The following SGCZ variants were observed in gnomAD, a reference collection of about 807,000 sequenced individuals.
The protein encoded by SGCZ is sarcoglycan zeta.
Under a neutral mutation model 41.3 loss-of-function variants are expected in SGCZ, and 40 were observed. That is an observed-to-expected ratio of 0.97 (90% CI 0.75 to 1.26). The LOEUF (loss-of-function observed/expected upper bound fraction) is 1.26, where lower values mean the gene tolerates loss of function less well. Ranked by LOEUF, SGCZ falls within the 50% of genes most tolerant of loss-of-function variation. The pLI is 0.00. For synonymous variants in SGCZ, 206 were observed against 137.5 expected (o/e 1.50, Z -3.49); for missense variants, 552 against 369.8 (o/e 1.49, Z -4.04).
At chr8:15,176,716 T>C (rs2117076604) in intron 1 of SGCZ, among the ~76,000 whole-genome samples, 1 of 152,300 alleles carries the variant, frequency 6.6e-6, no homozygotes, top group East Asian at 1.9e-4. Context: ...AGAAACTATA[T>C]GTTGGCCGGA....
chr8:14,296,456 G>T (rs749345429), intron 3 of SGCZ, among the ~76,000 whole-genome samples: 1 of 152,094 alleles, frequency 6.6e-6, no homozygotes, highest in Non-Finnish European at 1.5e-5. Context: ...ATATTTGAAT[G>T]AATACTTATC....
chr8:14,947,442 C>T (rs773853774), intron 1 of SGCZ, among the ~76,000 whole-genome samples: 1 of 152,122 alleles, frequency 6.6e-6, no homozygotes, highest in African/African-American at 2.4e-5. Flanking sequence ...TGTGGACAAC[C>T]TCTACAAGAC....
intron 1 of SGCZ, among the ~76,000 whole-genome samples, chr8:15,140,882 C>T (rs1808296366): frequency 6.6e-6 from 1 of 152,188 alleles, no homozygotes; most frequent in Admixed American, 6.5e-5. Flanking sequence ...AAATACATCT[C>T]TGCAGTTTTT....
intron 1 of SGCZ, among the ~76,000 whole-genome samples, chr8:14,916,823 C>G (rs1175806583): frequency 1.3e-5 from 2 of 152,016 alleles, no homozygotes; most frequent in African/African-American, 4.8e-5. Context: ...AAGGATTCAG[C>G]TGGGTACTTT....
intron 2 of SGCZ, among the ~76,000 whole-genome samples, chr8:14,347,930 A>C (rs965195342): frequency 2.6e-5 from 4 of 152,120 alleles, no homozygotes; most frequent in African/African-American, 9.7e-5. Context: ...TAAACTGAGA[A>C]TATAGCATTA....
chr8:14,806,425 A>G (rs1801532129), intron 1 of SGCZ, among the ~76,000 whole-genome samples: 1 of 151,518 alleles, frequency 6.6e-6, no homozygotes, highest in Non-Finnish European at 1.5e-5. Context: ...CAGAAATACA[A>G]ACTACCATCA....
chr8:15,144,543 C>A (rs925190079), intron 1 of SGCZ, among the ~76,000 whole-genome samples: 1 of 152,044 alleles, frequency 6.6e-6, no homozygotes. Context: ...TGGCTCACTG[C>A]AACCACCTCC....
At chr8:14,716,662 A>T (rs1262634611) in intron 1 of SGCZ, among the ~76,000 whole-genome samples, 1 of 152,106 alleles carries the variant, frequency 6.6e-6, no homozygotes, top group Non-Finnish European at 1.5e-5. Flanking sequence ...CTTGCTGCAC[A>T]CATTTTTGCA....
At chr8:14,551,060 G>A (rs1242669556) in intron 2 of SGCZ, among the ~76,000 whole-genome samples, 1 of 150,270 alleles carries the variant, frequency 6.7e-6, no homozygotes, top group Non-Finnish European at 1.5e-5. Flanking sequence ...TTAACTCACA[G>A]CATTAATGAA....
At chr8:14,710,102 C>T (rs567667424) in intron 1 of SGCZ, among the ~76,000 whole-genome samples, 56 of 152,142 alleles carry the variant, frequency 3.7e-4, no homozygotes, top group African/African-American at 1.3e-3. Flanking sequence ...CGCGGTGGCT[C>T]ACGCCTGTAA....
intron 1 of SGCZ, among the ~76,000 whole-genome samples, chr8:14,742,193 A>G (rs938681453): frequency 7.2e-5 from 11 of 152,170 alleles, no homozygotes; most frequent in Non-Finnish European, 1.2e-4. Flanking sequence ...CAAATAAACC[A>G]TCTGCCGTCA....
At chr8:14,733,194 G>A (rs1468513799) in intron 1 of SGCZ, among the ~76,000 whole-genome samples, 1 of 152,006 alleles carries the variant, frequency 6.6e-6, no homozygotes, top group East Asian at 1.9e-4. Flanking sequence ...ACTGCCCCAG[G>A]GCCAGGTACC....
intron 1 of SGCZ, among the ~76,000 whole-genome samples, chr8:15,183,620 G>C (rs1198846351): frequency 6.6e-6 from 1 of 152,152 alleles, no homozygotes; most frequent in Non-Finnish European, 1.5e-5. Flanking sequence ...AAGCCAAAAT[G>C]ATCCTATGAC....
rs559022190 is a variant in SGCZ at position 14,512,154 on chromosome 8, G to T, written c.234+42578C>A. On this transcript the variant is annotated intron_variant, in intron 2 of 7. Coordinates refer to ENST00000382080, the MANE Select transcript of SGCZ (RefSeq NM_139167.4). The stretch of plus-strand genomic sequence containing the variant: ...AGTATTTTCTACTCTGTTAGGAAAT[G>T]GTACTGACCACAGATAATCTGAGTA... Among the ~76,000 whole-genome samples the T allele has an allele frequency of 9.9e-5, 15 of 152,212 alleles. No homozygotes were observed. The East Asian group carries it at 2.9e-3, about 29-fold the overall frequency.
At chr8:14,444,704 C>G (rs976679660) in intron 2 of SGCZ, among the ~76,000 whole-genome samples, 1 of 151,574 alleles carries the variant, frequency 6.6e-6, no homozygotes, top group African/African-American at 2.4e-5. Flanking sequence ...GGAGATATAC[C>G]TAATGCTAAA....
intron 1 of SGCZ, among the ~76,000 whole-genome samples, chr8:14,593,428 C>T (rs750337482): frequency 3.9e-5 from 6 of 152,130 alleles, no homozygotes; most frequent in African/African-American, 1.2e-4. Context: ...ATCTCCAGAA[C>T]GGTAACAGAA....
chr8:15,073,563 A>C (rs1313245143), intron 1 of SGCZ, among the ~76,000 whole-genome samples: 1 of 152,218 alleles, frequency 6.6e-6, no homozygotes, highest in African/African-American at 2.4e-5. Flanking sequence ...TGTGATTAAC[A>C]TTTTAATCTG....
chr8:14,247,335 T>C (rs932161662), intron 3 of SGCZ, among the ~76,000 whole-genome samples: 2 of 152,122 alleles, frequency 1.3e-5, no homozygotes, highest in Admixed American at 6.5e-5. Context: ...AAGCTCTCTT[T>C]CTCCCAACCG....
chr8:14,861,080 A>C (rs984246378), intron 1 of SGCZ, among the ~76,000 whole-genome samples: 2 of 152,188 alleles, frequency 1.3e-5, no homozygotes, highest in Admixed American at 1.3e-4. Flanking sequence ...GTTGAGAAAC[A>C]CTTGATGTAG....
Sources: allele counts gnomAD v4.1 joint callset (sites outside exome capture counted in the v4.1 genomes callset), GRCh38; gene constraint gnomAD v4.1.1; transcripts MANE v1.5; gene names NCBI Gene and HGNC (gene_info 2026-07-23, HGNC 2026-07-21).